The following OR2I1 variants were observed in gnomAD, a reference collection of about 807,000 sequenced individuals.
The protein encoded by OR2I1 is putative olfactory receptor 2I1.
the OR2I1 span, chr6:29,553,458 G>T: frequency 2.5e-6 from 1 of 398,804 alleles, no homozygotes; most frequent in East Asian, 3.6e-5. Flanking sequence ...TGCCGCCGCT[G>T]CTGGCCAACC....
At chr6:29,554,001 GC>G in the OR2I1 span, 1 of 398,774 alleles carries the variant, frequency 2.5e-6, no homozygotes, top group Non-Finnish European at 4.4e-6. Flanking sequence ...CCTACCTGCA[GC>G]CCGCGCAGCG....
the OR2I1 span, chr6:29,553,956 A>G: frequency 2.5e-6 from 1 of 398,844 alleles, no homozygotes; most frequent in Non-Finnish European, 4.4e-6. Flanking sequence ...CCCACCTGAC[A>G]GCCGTCTGCC....
the OR2I1 span, chr6:29,552,751 G>GT: frequency 6.5e-6 from 1 of 152,706 alleles, no homozygotes. Context: ...TACTAATTAC[G>GT]TTTTTGTTGG....
chr6:29,554,425 C>A, the OR2I1 span: 35,334 of 332,966 alleles, frequency 0.11, 5,530 homozygotes, highest in African/African-American at 0.44. Flanking sequence ...AAATGATGGA[C>A]GTGATGCTCG....
the OR2I1 span, chr6:29,554,181 G>A: frequency 1.5e-5 from 6 of 398,744 alleles, no homozygotes; most frequent in Non-Finnish European, 2.7e-5. Flanking sequence ...TTGGGGAGGG[G>A]AGAAAGTATT....
chr6:29,555,862 A>T, the OR2I1 span: 1 of 1,599,658 alleles, frequency 6.3e-7, no homozygotes, highest in Non-Finnish European at 8.6e-7. Context: ...CCCTGCCAAC[A>T]CCCCATGCCC....
chr6:29,555,908 AAGAGTAAGT>A, the OR2I1 span: 1 of 1,613,072 alleles, frequency 6.2e-7, no homozygotes, highest in East Asian at 2.2e-5. Flanking sequence ...ACATGCCAGG[AAGAGTAAGT>A]TGCCCTTTCT....
At chr6:29,555,755 C>G in the OR2I1 span, 55 of 717,524 alleles carry the variant, frequency 7.7e-5, no homozygotes, top group African/African-American at 8.4e-4. Context: ...CCATCCCACC[C>G]AAATCTTACT....
At chr6:29,556,597 T>C in the OR2I1 span, 1 of 514,598 alleles carries the variant, frequency 1.9e-6, no homozygotes, top group Non-Finnish European at 3.4e-6. Flanking sequence ...GAAAATAAAA[T>C]CCTGAGCCCC....
the OR2I1 span, chr6:29,555,831 A>G: frequency 6.9e-6 from 10 of 1,452,808 alleles, no homozygotes; most frequent in Non-Finnish European, 9.5e-6. Context: ...GTAAGAGATT[A>G]AAAGAAATAA....
the OR2I1 span, chr6:29,550,821 A>G: frequency 1.3e-5 from 2 of 152,248 alleles, no homozygotes; most frequent in Non-Finnish European, 2.9e-5. Flanking sequence ...CTGGAAACTC[A>G]AGGTGTAAAC....
chr6:29,555,885 C>T, the OR2I1 span: 1 of 1,612,846 alleles, frequency 6.2e-7, no homozygotes, highest in Non-Finnish European at 8.5e-7. Flanking sequence ...GGTGGTCACC[C>T]TCCAATACAA....
At chr6:29,552,474 G>A in the OR2I1 span, among the ~76,000 whole-genome samples, 1 of 152,302 alleles carries the variant, frequency 6.6e-6, no homozygotes, top group Non-Finnish European at 1.5e-5. Context: ...GACGTTGGGA[G>A]TAGTCTCTAT....
chr6:29,550,968 AT>A, the OR2I1 span: 3 of 152,142 alleles, frequency 2.0e-5, no homozygotes, highest in Non-Finnish European at 4.4e-5. Flanking sequence ...TTCACAACAG[AT>A]TTGTCTTCTA....
At chr6:29,554,358 C>G in the OR2I1 span, 1 of 391,944 alleles carries the variant, frequency 2.6e-6, no homozygotes, top group Non-Finnish European at 4.5e-6. Context: ...CCTAAATCCT[C>G]TATATACTCA....
At chr6:29,556,119 C>T in the OR2I1 span, 1 of 1,613,148 alleles carries the variant, frequency 6.2e-7, no homozygotes, top group Non-Finnish European at 8.5e-7. Context: ...AAGGGCAGCT[C>T]CTCATCACTG....
At chr6:29,554,362 A>C in the OR2I1 span, 1 of 390,424 alleles carries the variant, frequency 2.6e-6, no homozygotes, top group Non-Finnish European at 4.5e-6. Flanking sequence ...AATCCTCTAT[A>C]TACTCAGGTT....
At chr6:29,555,896 TA>T in the OR2I1 span, 1 of 1,612,984 alleles carries the variant, frequency 6.2e-7, no homozygotes, top group South Asian at 1.1e-5. Context: ...TCCAATACAA[TA>T]ACATGCCAGG....
the OR2I1 span, chr6:29,553,136 A>C: frequency 2.5e-6 from 1 of 398,024 alleles, no homozygotes; most frequent in Non-Finnish European, 4.4e-6. Context: ...GCCCAGCCCC[A>C]CACTCCAAGG....
Sources: allele counts gnomAD v4.1 joint callset (sites outside exome capture counted in the v4.1 genomes callset), GRCh38; gene constraint gnomAD v4.1.1; transcripts MANE v1.5; gene names NCBI Gene and HGNC (gene_info 2026-07-23, HGNC 2026-07-21).